GLI3: variants seen among roughly 807,000 people sequenced by gnomAD.
GLI3 encodes GLI family zinc finger 3.
A neutral mutation model predicts 100.8 loss-of-function variants in GLI3; 20 were observed. That is an observed-to-expected ratio of 0.20 (90% CI 0.14 to 0.29). GLI3 has a LOEUF of 0.29. GLI3 is among the 10% of genes least tolerant of loss of function. GLI3 has a pLI of 1.00. For synonymous variants in GLI3, 938 were observed against 860.5 expected (o/e 1.09, Z -1.58); for missense variants, 2,040 against 2,128.5 (o/e 0.96, Z 0.82).
intron 2 of GLI3, among the ~76,000 whole-genome samples, chr7:42,176,020 C>T (rs1303163272): frequency 6.6e-6 from 1 of 152,116 alleles, no homozygotes; most frequent in Non-Finnish European, 1.5e-5. Flanking sequence ...CCAAAACCAC[C>T]CTCCTACTGG....
intron 10 of GLI3, among the ~76,000 whole-genome samples, chr7:42,008,940 G>C (rs558157768): frequency 6.6e-6 from 1 of 152,240 alleles, no homozygotes; most frequent in Non-Finnish European, 1.5e-5. Context: ...TCACTAACTG[G>C]ATATAAATAT....
rs528168820 is a variant in GLI3, at chr7:42,228,123, G to T, written c.-42-4828C>A. Among the ~76,000 whole-genome samples, 5 of 152,184 alleles carry T rather than the reference G, an allele frequency of 3.3e-5. No homozygotes were observed. The East Asian group carries it at 5.9e-4, about 18-fold the overall frequency. On this transcript the variant is annotated intron_variant, in intron 1 of 14. Coordinates refer to ENST00000395925, the MANE Select transcript of GLI3 (RefSeq NM_000168.6). ...TCATTAGCGGGCGCGCCGGGCCCGC[G>T]CAGCGCTGTCTGCAGCCGCGTCGCC...
At chr7:42,186,396 T>G (rs975196173) in intron 2 of GLI3, among the ~76,000 whole-genome samples, 1 of 152,184 alleles carries the variant, frequency 6.6e-6, no homozygotes, top group Non-Finnish European at 1.5e-5. Context: ...CAGGTACCCA[T>G]GAGAGACTCA....
intron 3 of GLI3, among the ~76,000 whole-genome samples, chr7:42,096,539 A>G (rs1332930448): frequency 6.6e-6 from 1 of 152,226 alleles, no homozygotes; most frequent in Non-Finnish European, 1.5e-5. Flanking sequence ...TGGGAGTTTC[A>G]GCCTGAAGGA....
intron 2 of GLI3, among the ~76,000 whole-genome samples, chr7:42,175,414 T>C (rs1787459183): frequency 6.6e-6 from 1 of 152,088 alleles, no homozygotes; most frequent in Non-Finnish European, 1.5e-5. Context: ...GGTCAGGAGT[T>C]CGAGACCAGC....
chr7:42,044,247 A>G (rs768276502), intron 6 of GLI3, among the ~76,000 whole-genome samples: 3 of 152,222 alleles, frequency 2.0e-5, no homozygotes, highest in Non-Finnish European at 2.9e-5. Flanking sequence ...TACTAGGAAA[A>G]ACAAACAAAA....
intron 3 of GLI3, among the ~76,000 whole-genome samples, chr7:42,094,760 A>G (rs1260256410): frequency 6.6e-6 from 1 of 152,090 alleles, no homozygotes; most frequent in Non-Finnish European, 1.5e-5. Flanking sequence ...TTAAAAAAAA[A>G]GACAATTCAC....
At chr7:42,091,741 C>CATAT (rs1218210132) in intron 3 of GLI3, among the ~76,000 whole-genome samples, 1 of 152,238 alleles carries the variant, frequency 6.6e-6, no homozygotes, top group Non-Finnish European at 1.5e-5. Flanking sequence ...TGGGCTGCAG[C>CATAT]AATATCCGCT....
chr7:42,116,046 A>G (rs1378625521), intron 3 of GLI3, among the ~76,000 whole-genome samples: 6 of 152,280 alleles, frequency 3.9e-5, no homozygotes, highest in East Asian at 3.9e-4. Context: ...CACCAAGACC[A>G]GACAGAAACC....
chr7:42,177,925 CG>C (rs1188393067), intron 2 of GLI3, among the ~76,000 whole-genome samples: 5 of 152,226 alleles, frequency 3.3e-5, no homozygotes, highest in Admixed American at 6.5e-5. Flanking sequence ...TGAACATTCA[CG>C]CAACCCCGCT....
At chr7:42,211,188 C>T (rs1357814138) in intron 2 of GLI3, among the ~76,000 whole-genome samples, 1 of 151,910 alleles carries the variant, frequency 6.6e-6, no homozygotes, top group African/African-American at 2.4e-5. Context: ...TTTTTTCAAG[C>T]ATGATTCTTT....
Position 41,965,083 on chromosome 7 carries a change from G to A in GLI3, c.3990C>T (p.Asp1330=). ...GGCCTGCCCCCGGGTGCTGCATGCTGTCGCCGAGGAGCTGGTGAGCCAGGT... is the reference window on the plus strand; with the variant it reads ...GGCCTGCCCCCGGGTGCTGCATGCTATCGCCGAGGAGCTGGTGAGCCAGGT... The part of the protein sequence containing the change: ...QGYLAHQLLG[D]SMQHPGAGRP... The change falls in exon 15 of 15, where the codon GAC becomes GAT. Residue 1330 remains aspartate (D), a synonymous_variant. Coordinates refer to ENST00000395925, the MANE Select transcript of GLI3 (RefSeq NM_000168.6). 6.2e-7 allele frequency: 1 copy of A among 1,613,856 alleles called. No individual in the cohort carries two copies. The highest frequency in any genetic ancestry group is 8.5e-7 in the Non-Finnish European group (1 of 1,180,028).
intron 10 of GLI3, among the ~76,000 whole-genome samples, chr7:42,012,657 T>C (rs776710673): frequency 2.6e-4 from 39 of 152,244 alleles, no homozygotes; most frequent in Admixed American, 8.5e-4. Flanking sequence ...TCTGGACTGA[T>C]AACAAGAATA....
chr7:42,037,385 T>C (rs1784035157), intron 7 of GLI3, among the ~76,000 whole-genome samples: 1 of 152,182 alleles, frequency 6.6e-6, no homozygotes, highest in Non-Finnish European at 1.5e-5. Flanking sequence ...TGATTATTCC[T>C]GAAGTCAGTT....
At chr7:42,067,866 A>T (rs1409997019) in intron 4 of GLI3, among the ~76,000 whole-genome samples, 1 of 152,246 alleles carries the variant, frequency 6.6e-6, no homozygotes, top group Non-Finnish European at 1.5e-5. Flanking sequence ...CCAGGCTTCC[A>T]TTCCCTGTAA....
chr7:41,994,685 C>T (rs1004873796), intron 10 of GLI3, among the ~76,000 whole-genome samples: 1 of 152,178 alleles, frequency 6.6e-6, no homozygotes, highest in Non-Finnish European at 1.5e-5. Context: ...TCTTTTACCT[C>T]CCCACCAAAG....
At chr7:41,969,032 C>T (rs1047039684) in intron 13 of GLI3, among the ~76,000 whole-genome samples, 7 of 152,156 alleles carry the variant, frequency 4.6e-5, no homozygotes, top group African/African-American at 1.4e-4. Flanking sequence ...ATTCAGGGTG[C>T]CCAATATCTG....
At chr7:42,185,332 G>A (rs528662153) in intron 2 of GLI3, among the ~76,000 whole-genome samples, 5 of 152,296 alleles carry the variant, frequency 3.3e-5, no homozygotes, top group South Asian at 2.1e-4. Flanking sequence ...CTAAAAGACC[G>A]CTTCCTTCTC....
intron 10 of GLI3, among the ~76,000 whole-genome samples, chr7:41,997,903 G>T (rs1408024690): frequency 6.6e-6 from 1 of 152,176 alleles, no homozygotes; most frequent in Non-Finnish European, 1.5e-5. Context: ...GCACTGAAAA[G>T]ATTTTCTCAA....
Sources: gnomAD v4.1 joint callset for allele counts (sites outside exome capture counted in the v4.1 genomes callset) on GRCh38, gnomAD v4.1.1 for gene constraint, MANE v1.5 for transcripts, NCBI Gene and HGNC (gene_info 2026-07-23, HGNC 2026-07-21) for gene names.